Variants in EPG5 observed in about 807,000 individuals in gnomAD.
The protein encoded by EPG5 is ectopic P granules protein 5 homolog.
EPG5 carries 159 observed loss-of-function variants against 302.7 expected under a neutral mutation model. That is an observed-to-expected ratio of 0.53 (90% CI 0.46 to 0.60). EPG5 has a LOEUF of 0.60. Among genes scored for constraint, EPG5 ranks in the 20% least tolerant of loss-of-function variants. The probability of loss-of-function intolerance (pLI) is 0.00; values close to 1 mark genes in which losing one functional copy is unlikely to be tolerated. For missense variants in EPG5, 2,896 were observed against 3,092.4 expected (o/e 0.94, Z 1.51); for synonymous variants, 1,158 against 1,136.8 (o/e 1.02, Z -0.37).
chr18:45,822,630 T>C, the EPG5 span, among the ~76,000 whole-genome samples: 1 of 152,230 alleles, frequency 6.6e-6, no homozygotes, highest in Admixed American at 6.5e-5. Flanking sequence ...AGACATTGTA[T>C]ATATCAAAAA....
intron 2 of EPG5, chr18:45,953,671 C>CT: frequency 5.1e-6 from 5 of 985,362 alleles, no homozygotes; most frequent in Non-Finnish European, 6.0e-6. Flanking sequence ...GAGAGGACGT[C>CT]TCCCCCTTCC....
chr18:45,929,136 C>CA, intron 12 of EPG5, 127 bp from the exon 13 acceptor site: 2 of 936,162 alleles, frequency 2.1e-6, no homozygotes, highest in Non-Finnish European at 1.6e-6. Flanking sequence ...CACTATGTTC[C>CA]AAAAAATGTT....
chr18:45,966,754 TA>T (rs1276723801), intron 1 of EPG5, among the ~76,000 whole-genome samples: 1 of 152,176 alleles, frequency 6.6e-6, no homozygotes, highest in Non-Finnish European at 1.5e-5. Flanking sequence ...CTGCCAAAGG[TA>T]CCTTCTCCGC....
the EPG5 span, among the ~76,000 whole-genome samples, chr18:45,803,913 TGA>T: frequency 2.6e-5 from 4 of 152,190 alleles, no homozygotes; most frequent in African/African-American, 4.8e-5. Context: ...CTTGACATAT[TGA>T]GAGACAGGAA....
the EPG5 span, chr18:45,837,979 C>T: frequency 3.1e-3 from 4,317 of 1,388,028 alleles, 57 homozygotes; most frequent in African/African-American, 0.038. Context: ...GGGTGCCAGG[C>T]GCTGTGCTGA....
Position 45,925,887 on chromosome 18 carries a change from A to G in EPG5, c.2569T>C (p.Phe857Leu). The change falls in exon 14 of 44, where the codon TTT (phenylalanine) becomes CTT (leucine). Residue 857 changes from phenylalanine (F) to leucine (L), a missense_variant. Physicochemically the swap from Phe to Leu is conservative, Grantham distance 22. Transcript: ENST00000282041. ...CAAAGATACAAAGGCAGTTCTTTAA[A>G]CAAGTATAGAGAAACCTTATTAAAA... ...DQVGMVSLYL[F>L]KELPLYLWQP... 1 of 1,489,712 alleles carries G rather than the reference A, an allele frequency of 6.7e-7. No individual in the cohort carries two copies. 92.3% of individuals were successfully genotyped at this position (1,489,712 alleles called of 1,614,324 possible).
chr18:45,916,721 G>T, intron 17 of EPG5, 139 bp from the exon 18 acceptor site: 1 of 833,534 alleles, frequency 1.2e-6, no homozygotes. Flanking sequence ...AGGGATTCTA[G>T]AAGAATAAAG....
At chr18:45,812,804 A>T in the EPG5 span, among the ~76,000 whole-genome samples, 10 of 152,204 alleles carry the variant, frequency 6.6e-5, no homozygotes, top group African/African-American at 2.4e-4. Flanking sequence ...TAGACCTAAA[A>T]CCATAAAAAC....
chr18:45,810,046 C>A, the EPG5 span, among the ~76,000 whole-genome samples: 1 of 152,062 alleles, frequency 6.6e-6, no homozygotes, highest in Non-Finnish European at 1.5e-5. Context: ...ATAACTGAAA[C>A]CACAGAAATA....
At chr18:45,924,026 C>CAAAAAAAAAA (rs533114460) in intron 14 of EPG5, among the ~76,000 whole-genome samples, 1 of 96,510 alleles carries the variant, frequency 1.0e-5, no homozygotes. Flanking sequence ...GATTCTGACT[C>CAAAAAAAAAA]AAAAAAAAAA....
chr18:45,878,886 T>C, intron 33 of EPG5, 127 bp downstream of exon 33: 1 of 717,244 alleles, frequency 1.4e-6, no homozygotes, highest in Non-Finnish European at 2.4e-6. Flanking sequence ...TATGGGCTCA[T>C]GCCTGTTCTA....
chr18:45,826,723 C>A, the EPG5 span, among the ~76,000 whole-genome samples: 2 of 152,182 alleles, frequency 1.3e-5, no homozygotes, highest in Non-Finnish European at 2.9e-5. Flanking sequence ...GGGGTCCTGG[C>A]TCCATAACTG....
At chr18:45,834,221 T>A in the EPG5 span, among the ~76,000 whole-genome samples, 11 of 152,072 alleles carry the variant, frequency 7.2e-5, no homozygotes, top group East Asian at 1.9e-3. Context: ...ACCCCTACCC[T>A]CTCCTGTCAG....
chr18:45,859,153 C>T (rs1046326803), intron 40 of EPG5, among the ~76,000 whole-genome samples: 7 of 152,202 alleles, frequency 4.6e-5, no homozygotes, highest in African/African-American at 1.4e-4. Flanking sequence ...CTTTAATACC[C>T]TTTTTAAGAA....
intron 29 of EPG5, among the ~76,000 whole-genome samples, chr18:45,885,065 G>A (rs1211925088): frequency 6.6e-6 from 1 of 152,212 alleles, no homozygotes; most frequent in Non-Finnish European, 1.5e-5. Flanking sequence ...TAGTCCGGGT[G>A]CAGTTGCTCA....
intron 20 of EPG5, among the ~76,000 whole-genome samples, 155 bp from the exon 21 acceptor site, chr18:45,913,983 T>C (rs895672650): frequency 6.6e-6 from 1 of 152,240 alleles, no homozygotes; most frequent in African/African-American, 2.4e-5. Context: ...TACCTACCTA[T>C]ATCCTTGTCG....
intron 30 of EPG5, among the ~76,000 whole-genome samples, chr18:45,883,643 T>TTTTAAA (rs2049154686): frequency 8.2e-6 from 1 of 121,922 alleles, no homozygotes; most frequent in African/African-American, 3.4e-5. Flanking sequence ...TTTTTTTTTG[T>TTTTAAA]ACAGACAGGG....
At chr18:45,833,952 A>G in the EPG5 span, among the ~76,000 whole-genome samples, 1 of 152,194 alleles carries the variant, frequency 6.6e-6, no homozygotes, top group Non-Finnish European at 1.5e-5. Flanking sequence ...AACATGACAC[A>G]TGACAGAGTA....
In EPG5 at chr18:45,860,083, C is replaced by T. The variant is rs751333414; in HGVS notation, c.7009+21G>A. 2.9e-5 allele frequency: 47 copies of T among 1,613,366 alleles called. No homozygotes were observed. In the African/African-American group the frequency reaches 3.9e-4, roughly 13 times the overall value. ...TCTGGAAAAGACCAATACAATGGAG[C>T]GTAAGATGACCTCCTCTTACTTTCT... On this transcript the variant is annotated intron_variant, in intron 40 of 43. Transcript: ENST00000282041.
Sources: allele counts gnomAD v4.1 joint callset (sites outside exome capture counted in the v4.1 genomes callset), GRCh38; gene constraint gnomAD v4.1.1; transcripts MANE v1.5; gene names NCBI Gene and HGNC (gene_info 2026-07-23, HGNC 2026-07-21).